Variants in NPL observed in about 807,000 individuals in gnomAD.
NPL encodes the protein N-acetylneuraminate pyruvate lyase.
NPL carries 32 observed loss-of-function variants against 41.1 expected under a neutral mutation model. The ratio of observed to expected loss-of-function variants is 0.78; its 90% confidence interval spans 0.59 to 1.05. NPL has a LOEUF of 1.05. NPL is among the 50% of genes least tolerant of loss of function. The pLI, the probability that NPL is intolerant of heterozygous loss-of-function variation, is 0.00. For missense variants in NPL, 321 were observed against 378.4 expected, an observed-to-expected ratio of 0.85 and a Z score of 1.26; for synonymous variants, 128 against 134.9, an observed-to-expected ratio of 0.95 and a Z score of 0.35.
chr1:182,825,173 T>C (rs1234649818), intron 11 of NPL, among the ~76,000 whole-genome samples: 2 of 152,228 alleles, frequency 1.3e-5, no homozygotes, highest in Admixed American at 1.3e-4. Flanking sequence ...TGTCCCTCTC[T>C]TTATCAATAC....
At chr1:182,817,528 G>C (rs894374134) in intron 8 of NPL, among the ~76,000 whole-genome samples, 22 of 152,170 alleles carry the variant, frequency 1.4e-4, no homozygotes, top group African/African-American at 5.3e-4. Context: ...TTCTGACACT[G>C]TCTACTGGAG....
chr1:182,822,253 A>T (rs1039261068), intron 11 of NPL, 54 bp downstream of exon 11: 3 of 1,238,648 alleles, frequency 2.4e-6, no homozygotes, highest in Non-Finnish European at 3.6e-6. Flanking sequence ...TCCCCACTTG[A>T]GGATTCTTTT....
At chr1:182,808,089 A>G (rs1667074394) in intron 5 of NPL, among the ~76,000 whole-genome samples, 2 of 152,080 alleles carry the variant, frequency 1.3e-5, no homozygotes, top group East Asian at 3.9e-4. Flanking sequence ...AGCTCTGCTT[A>G]TTAGCTCTGG....
At chr1:182,798,000 C>T (rs542441300) in intron 3 of NPL, among the ~76,000 whole-genome samples, 3 of 152,186 alleles carry the variant, frequency 2.0e-5, no homozygotes, top group Non-Finnish European at 4.4e-5. Flanking sequence ...AGGAAGCAAA[C>T]ACTGATTGAT....
intron 11 of NPL, among the ~76,000 whole-genome samples, chr1:182,824,412 G>T (rs931918210): frequency 6.6e-6 from 1 of 152,142 alleles, no homozygotes; most frequent in Non-Finnish European, 1.5e-5. Flanking sequence ...TTTATTTCTA[G>T]TATACAGTCA....
chr1:182,808,760 GCCTGGACAACATACAGAGAC>G (rs1667092909), intron 5 of NPL, among the ~76,000 whole-genome samples: 1 of 151,924 alleles, frequency 6.6e-6, no homozygotes, highest in Non-Finnish European at 1.5e-5. Flanking sequence ...ATCAGGACCA[GCCTGGACAACATACAGAGAC>G]CCTGTCTCTA....
intron 6 of NPL, 40 bp downstream of exon 6, chr1:182,812,253 G>T: frequency 6.4e-7 from 1 of 1,562,982 alleles, no homozygotes; most frequent in Non-Finnish European, 8.8e-7. Context: ...CATTCAAGGG[G>T]CCTCCATTTT....
chr1:182,810,859 T>C (rs10911139), intron 5 of NPL, among the ~76,000 whole-genome samples: 12,382 of 152,172 alleles, frequency 0.081, 1,356 homozygotes, highest in African/African-American at 0.25. Flanking sequence ...TTATCTGAAT[T>C]ATTCCAGGAA....
At position 182,794,334 on chromosome 1, in the gene NPL, A is replaced by G. The variant is rs767148915; in HGVS notation, c.-16-22A>G. The G allele has an allele frequency of 8.1e-6, 13 of 1,595,744 alleles. No homozygotes were observed. The Admixed American group carries it at 1.7e-4, about 20-fold the overall frequency. On this transcript the variant is annotated intron_variant, in intron 2 of 12. Coordinates refer to ENST00000367553, the MANE Select transcript of NPL (RefSeq NM_030769.3). ...TTGACATTCCTTGAAGAAAGAGAGA[A>G]ATTACATTGTATGTTTTCCAGACCT...
intron 11 of NPL, among the ~76,000 whole-genome samples, chr1:182,824,166 A>G (rs1005389189): frequency 4.6e-5 from 7 of 152,378 alleles, no homozygotes; most frequent in African/African-American, 1.4e-4. Context: ...AAAGATAAAA[A>G]CAGCCCAAAT....
At chr1:182,793,258 G>A (rs1288585553) in intron 2 of NPL, among the ~76,000 whole-genome samples, 1 of 152,196 alleles carries the variant, frequency 6.6e-6, no homozygotes, top group African/African-American at 2.4e-5. Context: ...CAGGTGGTCT[G>A]CCTATGGAAC....
intron 4 of NPL, among the ~76,000 whole-genome samples, chr1:182,805,641 T>A (rs1382669012): frequency 6.6e-6 from 1 of 152,212 alleles, no homozygotes; most frequent in Admixed American, 6.5e-5. Flanking sequence ...TAAGAAATAT[T>A]AATATCCTTT....
At chr1:182,824,365 TTTGTAAGTC>T (rs1276373087) in intron 11 of NPL, among the ~76,000 whole-genome samples, 1 of 152,252 alleles carries the variant, frequency 6.6e-6, no homozygotes, top group Non-Finnish European at 1.5e-5. Context: ...AACATATATG[TTTGTAAGTC>T]TCTGGGTATT....
chr1:182,825,689 C>A lies in NPL; in HGVS notation c.739-92C>A. The A allele has an allele frequency of 6.5e-6, 6 of 917,196 alleles. No individual in the cohort carries two copies. The East Asian group carries it at 9.6e-5, about 15-fold the overall frequency. 56.8% of individuals were successfully genotyped at this position (917,196 alleles called of 1,614,324 possible). A position where few individuals can be genotyped will look rare whatever the true frequency, so the allele number is the denominator to read the frequency against. On this transcript the variant is annotated intron_variant, in intron 11 of 12. Coordinates refer to ENST00000367553, the MANE Select transcript of NPL (RefSeq NM_030769.3). ...CCTTCAGTAAATGAAGGTGTGCAGACTTTTTAGGGTTTCTGTAATTTGACT... is the reference window on the plus strand; with the variant it reads ...CCTTCAGTAAATGAAGGTGTGCAGAATTTTTAGGGTTTCTGTAATTTGACT...
chr1:182,825,667 T>A (rs1667611969), intron 11 of NPL, 114 bp from the exon 12 acceptor site: 3 of 763,122 alleles, frequency 3.9e-6, no homozygotes, highest in Admixed American at 3.7e-5. Context: ...TGACAGACCT[T>A]CAGTAAATGA....
In NPL at chr1:182,794,381, C is replaced by T; in HGVS notation, c.10C>T (p.Pro4Ser). 1 of 1,614,080 alleles carries T rather than the reference C, an allele frequency of 6.2e-7. No individual in the cohort carries two copies. Residue 4 changes from proline (P) to serine (S), a missense_variant, in exon 3 of 13, where the codon CCA (proline) becomes TCA (serine). Transcript: ENST00000367553. MAF[P>S]KKKLQGLVAA... ...ACCTACCAGCAGCTCAATGGCCTTC[C>T]CAAAGAAGAAACTTCAGGGTCTTGT...
At chr1:182,822,092 A>G (rs1429932748) in intron 10 of NPL, 23 bp from the exon 11 acceptor site, 2 of 1,454,340 alleles carry the variant, frequency 1.4e-6, no homozygotes, top group South Asian at 2.3e-5. Context: ...TTGAACCTGC[A>G]GTATTTGTTA....
At position 182,796,166 on chromosome 1, in the gene NPL, C is replaced by CAAAAAAAA. The variant is rs11419574; in HGVS notation, c.68+1740_68+1747dup. On this transcript the variant is annotated intron_variant, in intron 3 of 12. Coordinates refer to ENST00000367553, the MANE Select transcript of NPL (RefSeq NM_030769.3). ...ACCTTACTTTCCTAAGGTGTGAAAT[C>CAAAAAAAA]AAAAAAAAAAAAAAAAAAAAGAATG... is the stretch of plus-strand genomic sequence containing the variant. 6.2e-4 allele frequency among the ~76,000 whole-genome samples: 64 copies of CAAAAAAAA among 103,218 alleles called. 1 individual carries two copies. Among genetic ancestry groups the CAAAAAAAA allele is most frequent in the East Asian group, 8.8e-4 (3 of 3,422 alleles). 67.7% of individuals were successfully genotyped at this position (103,218 alleles called of 152,430 possible).
At position 182,818,511 on chromosome 1, in the gene NPL, G is replaced by A. The variant is rs1667397140; in HGVS notation, c.458-30G>A. ...AGATGTTATTTCCTAGAGATGTGCA[G>A]ATTAATGAGGCACTTATTATTTTGA... On this transcript the variant is annotated intron_variant, in intron 8 of 12. Coordinates refer to ENST00000367553, the MANE Select transcript of NPL (RefSeq NM_030769.3). The A allele has an allele frequency of 1.2e-6, 2 of 1,612,332 alleles. 1 individual carries two copies. The highest frequency in any genetic ancestry group is 2.2e-5 in the South Asian group (2 of 91,084).
Sources: allele counts gnomAD v4.1 joint callset (sites outside exome capture counted in the v4.1 genomes callset), GRCh38; gene constraint gnomAD v4.1.1; transcripts MANE v1.5; gene names NCBI Gene and HGNC (gene_info 2026-07-23, HGNC 2026-07-21).